Variants in SEC31A observed in about 807,000 individuals in gnomAD.
The protein encoded by SEC31A is SEC31 homolog A, COPII component.
SEC31A carries 70 observed loss-of-function variants against 151.0 expected under a neutral mutation model. The ratio of observed to expected loss-of-function variants is 0.46; its 90% confidence interval spans 0.38 to 0.57. The LOEUF (loss-of-function observed/expected upper bound fraction) is 0.57. Ranked by LOEUF, SEC31A falls within the 20% of genes least tolerant of loss-of-function variation. The probability of loss-of-function intolerance (pLI) is 0.00; values close to 1 mark genes in which losing one functional copy is unlikely to be tolerated. For missense variants in SEC31A, 1,330 were observed against 1,471.2 expected, an observed-to-expected ratio of 0.90 and a Z score of 1.57; for synonymous variants, 475 against 505.9, an observed-to-expected ratio of 0.94 and a Z score of 0.82.
At chr4:82,865,567 TATATATATATATATATAC>T (rs1735166953) in intron 10 of SEC31A, among the ~76,000 whole-genome samples, 1 of 44,022 alleles carries the variant, frequency 2.3e-5, no homozygotes, top group African/African-American at 4.4e-5. Flanking sequence ...TATATATATA[TATATATATATATATATAC>T]AATGCAATAT....
chr4:82,888,143 G>A (rs530946661), intron 1 of SEC31A, among the ~76,000 whole-genome samples: 2 of 151,466 alleles, frequency 1.3e-5, no homozygotes, highest in African/African-American at 2.4e-5. Context: ...GGGAGGCCGA[G>A]GTGGGCAGAT....
At chr4:82,841,941 C>G (rs549945689) in intron 22 of SEC31A, among the ~76,000 whole-genome samples, 199 bp downstream of exon 22, 1 of 151,780 alleles carries the variant, frequency 6.6e-6, no homozygotes, top group South Asian at 2.1e-4. Flanking sequence ...CACTGTACTA[C>G]AGCCTGGGTG....
chr4:82,857,253 G>A, intron 15 of SEC31A, 123 bp from the exon 16 acceptor site: 1 of 760,974 alleles, frequency 1.3e-6, no homozygotes. Context: ...ACTAATTTCT[G>A]ATTACTAGTG....
intron 22 of SEC31A, among the ~76,000 whole-genome samples, chr4:82,841,649 C>CA (rs1728901173): frequency 6.7e-6 from 1 of 148,332 alleles, no homozygotes; most frequent in South Asian, 2.2e-4. Flanking sequence ...TTAAAAAAAA[C>CA]AAAAAAACCC....
At chr4:82,863,450 T>A (rs556597647) in intron 11 of SEC31A, 58 bp from the exon 12 acceptor site, 1 of 900,756 alleles carries the variant, frequency 1.1e-6, no homozygotes, top group South Asian at 1.6e-5. Flanking sequence ...GCCGAATTTT[T>A]ATAAGAATGA....
At chr4:82,864,924 G>A (rs573150344) in intron 10 of SEC31A, among the ~76,000 whole-genome samples, 3 of 151,836 alleles carry the variant, frequency 2.0e-5, no homozygotes, top group African/African-American at 7.2e-5. Context: ...TACAGGTGCC[G>A]GCCACCATGC....
intron 22 of SEC31A, among the ~76,000 whole-genome samples, chr4:82,834,723 T>G (rs1338307413): frequency 1.3e-5 from 2 of 152,188 alleles, no homozygotes; most frequent in African/African-American, 4.8e-5. Context: ...CCAACAGTCC[T>G]TTTATTAATT....
At chr4:82,893,525 C>G (rs1170219509), upstream of SEC31A, 2 of 152,208 alleles carry the variant, frequency 1.3e-5, no homozygotes, top group Non-Finnish European at 2.9e-5. Flanking sequence ...CTCAGTAAAA[C>G]AGTAGCATCC....
At chr4:82,824,215 T>A (rs999410925) in intron 25 of SEC31A, among the ~76,000 whole-genome samples, 3 of 152,202 alleles carry the variant, frequency 2.0e-5, no homozygotes, top group Non-Finnish European at 4.4e-5. Flanking sequence ...TTATTATATT[T>A]TATTTATTTT....
chr4:82,828,071 C>T (rs1163744590), intron 23 of SEC31A, among the ~76,000 whole-genome samples: 1 of 152,126 alleles, frequency 6.6e-6, no homozygotes, highest in African/African-American at 2.4e-5. Flanking sequence ...CGTGCCACCA[C>T]GCCCAGCTAA....
chr4:82,831,615 G>A (rs768781710), intron 22 of SEC31A, among the ~76,000 whole-genome samples: 3 of 152,140 alleles, frequency 2.0e-5, no homozygotes, highest in East Asian at 1.9e-4. Flanking sequence ...AAGGATAAAC[G>A]TGCCTATCTT....
intron 12 of SEC31A, 25 bp from the exon 13 acceptor site, chr4:82,862,597 T>C (rs1220615488): frequency 1.2e-6 from 2 of 1,605,028 alleles, no homozygotes; most frequent in Admixed American, 1.7e-5. Flanking sequence ...ACAGCTCACC[T>C]ACTACATGGA....
Position 82,819,021 on chromosome 4 carries a change from TAACATG to T in SEC31A, c.*47_*52del. On this transcript the variant is annotated 3_prime_UTR_variant, in exon 27 of 27. Transcript: ENST00000395310. ...GTCCATGTCTTATAATTTTTTTTTT[TAACATG>T]TTTCTTTGGAAAAATGGCAATATTG... is the stretch of plus-strand genomic sequence containing the variant. 6.7e-7 allele frequency: 1 copy of T among 1,495,226 alleles called. No homozygotes were observed. The highest frequency in any genetic ancestry group is 2.2e-5 in the Admixed American group (1 of 45,584). 92.6% of individuals were successfully genotyped at this position (1,495,226 alleles called of 1,614,324 possible). A position where few individuals can be genotyped will look rare whatever the true frequency, so the allele number is the denominator to read the frequency against.
At chr4:82,836,749 G>C (rs1303910466) in intron 22 of SEC31A, among the ~76,000 whole-genome samples, 1 of 152,090 alleles carries the variant, frequency 6.6e-6, no homozygotes, top group African/African-American at 2.4e-5. Flanking sequence ...CAGTGTTTCA[G>C]TATGAGATGA....
At chr4:82,845,118 C>A in intron 20 of SEC31A, 1 of 924,118 alleles carries the variant, frequency 1.1e-6, no homozygotes, top group South Asian at 1.5e-5. Context: ...GGTGAAAGAG[C>A]TTGAGGAAGG....
chr4:82,831,031 T>C (rs1725825284), intron 22 of SEC31A: 3 of 664,406 alleles, frequency 4.5e-6, no homozygotes, highest in East Asian at 8.9e-5. Context: ...ATTCTAAACT[T>C]TACTCATTTT....
chr4:82,878,859 T>A lies in SEC31A; in HGVS notation c.273A>T (p.Ala91=), dbSNP rs1380675092. 6.2e-7 allele frequency: 1 copy of A among 1,613,942 alleles called. No homozygotes were observed. The highest frequency in any genetic ancestry group is 8.5e-7 in the Non-Finnish European group (1 of 1,179,864). The part of the protein sequence containing the change: ...SKGDVSGVLI[A]GGENGNIILY... Reference sequence around the variant, plus strand: ...GAATAATATTTCCATTTTCACCACCTGCAATCAGAACTCCAGAGACATCTC... The same window carrying A: ...GAATAATATTTCCATTTTCACCACCAGCAATCAGAACTCCAGAGACATCTC... The change falls in exon 4 of 27, where the codon GCA becomes GCT. Residue 91 remains alanine (A), a synonymous_variant. Coordinates refer to ENST00000395310, the MANE Select transcript of SEC31A (RefSeq NM_001077207.4).
chr4:82,883,638 G>A (rs1739891581), intron 1 of SEC31A, among the ~76,000 whole-genome samples: 1 of 152,046 alleles, frequency 6.6e-6, no homozygotes, highest in Admixed American at 6.5e-5. Context: ...AGATCAGCTT[G>A]GACAACATGG....
chr4:82,856,859 T>C (rs1456894977), intron 16 of SEC31A, 93 bp downstream of exon 16: 2 of 1,046,982 alleles, frequency 1.9e-6, no homozygotes, highest in African/African-American at 3.3e-5. Context: ...AATTCTTTAC[T>C]GGTTTCTGCA....
Sources: allele counts gnomAD v4.1 joint callset (sites outside exome capture counted in the v4.1 genomes callset), GRCh38; gene constraint gnomAD v4.1.1; transcripts MANE v1.5; gene names NCBI Gene and HGNC (gene_info 2026-07-23, HGNC 2026-07-21).